Variants in TASP1 observed in about 807,000 individuals in gnomAD.
TASP1 encodes the protein taspase 1.
A neutral mutation model predicts 56.6 loss-of-function variants in TASP1; 16 were observed. The observed-to-expected ratio is 0.28, with a 90% CI of 0.19 to 0.43. The LOEUF is 0.43. Among genes scored for constraint, TASP1 ranks in the 20% least tolerant of loss-of-function variants. TASP1 has a pLI of 1.00. For missense variants in TASP1, 393 were observed against 511.6 expected, an observed-to-expected ratio of 0.77 and a Z score of 2.24; for synonymous variants, 179 against 184.2, an observed-to-expected ratio of 0.97 and a Z score of 0.23.
At chr20:13,383,681 G>C in the TASP1 span, among the ~76,000 whole-genome samples, 1 of 152,198 alleles carries the variant, frequency 6.6e-6, no homozygotes, top group Non-Finnish European at 1.5e-5. Context: ...AGCCTGCATG[G>C]AGTAAGAAGG....
chr20:13,475,248 G>A lies in TASP1; in HGVS notation c.985+7979C>T, dbSNP rs563205858. On this transcript the variant is annotated intron_variant, in intron 11 of 13. Coordinates refer to ENST00000337743, the MANE Select transcript of TASP1 (RefSeq NM_017714.3). Reference sequence around the variant, plus strand: ...ATATCTTAATGGTGGCATACTGACTGCATTCCTTTGCAAACTGCATTTTCT... The same window carrying A: ...ATATCTTAATGGTGGCATACTGACTACATTCCTTTGCAAACTGCATTTTCT... 5.0e-4 allele frequency among the ~76,000 whole-genome samples: 76 copies of A among 152,192 alleles called. 1 individual carries two copies. The highest frequency in any genetic ancestry group is 1.8e-3 in the African/African-American group (73 of 41,522).
chr20:13,512,294 C>T (rs1037865635), intron 10 of TASP1, among the ~76,000 whole-genome samples: 5 of 151,982 alleles, frequency 3.3e-5, no homozygotes, highest in Non-Finnish European at 7.4e-5. Context: ...TAATGATCAC[C>T]ATTCTAACTG....
chr20:13,495,062 A>C (rs2146594828), intron 10 of TASP1, among the ~76,000 whole-genome samples: 1 of 152,256 alleles, frequency 6.6e-6, no homozygotes, highest in East Asian at 1.9e-4. Context: ...AAAGTCCACA[A>C]ACAGAAAGAA....
At chr20:13,505,632 T>C (rs1303882188) in intron 10 of TASP1, among the ~76,000 whole-genome samples, 3 of 151,948 alleles carry the variant, frequency 2.0e-5, no homozygotes, top group African/African-American at 4.8e-5. Context: ...TGCAAATATA[T>C]GGAAATTAAA....
intron 10 of TASP1, among the ~76,000 whole-genome samples, chr20:13,493,055 C>T (rs948921989): frequency 7.9e-5 from 12 of 152,082 alleles, no homozygotes; most frequent in African/African-American, 2.7e-4. Context: ...TACGAAAAAT[C>T]CCAACTGTCT....
At chr20:13,396,660 C>T (rs914912575) in intron 13 of TASP1, among the ~76,000 whole-genome samples, 19 of 152,092 alleles carry the variant, frequency 1.2e-4, no homozygotes, top group Non-Finnish European at 1.2e-4. Flanking sequence ...ATTAAATAGG[C>T]CAGAGCAATT....
intron 11 of TASP1, among the ~76,000 whole-genome samples, chr20:13,466,534 C>T (rs2044266355): frequency 6.6e-6 from 1 of 152,134 alleles, no homozygotes; most frequent in Admixed American, 6.5e-5. Flanking sequence ...ATCACAAGGT[C>T]ACGAGTTCAA....
intron 11 of TASP1, among the ~76,000 whole-genome samples, chr20:13,477,842 G>A (rs2042997565): frequency 6.6e-6 from 1 of 152,076 alleles, no homozygotes; most frequent in African/African-American, 2.4e-5. Flanking sequence ...TCAAAGAAAT[G>A]TGCAGACTGG....
Position 13,390,369 on chromosome 20 carries a change from TG to T in TASP1, c.1253del (p.Pro418GlnfsTer2), listed in dbSNP as rs1387083684. The T allele has an allele frequency of 4.3e-6, 7 of 1,614,014 alleles. No individual in the cohort carries two copies. Among genetic ancestry groups the T allele is most frequent in the Non-Finnish European group, 5.9e-6 (7 of 1,179,918 alleles). On this transcript the variant is annotated frameshift_variant, in exon 14 of 14. Coordinates refer to ENST00000337743, the MANE Select transcript of TASP1 (RefSeq NM_017714.3). LOFTEE classifies it high-confidence loss of function. ...CACTCAGCCTGAAGGGTCAGTTCAC[TG>T]GGCTCTCCAGGCGGCACACCCCACC... ...IEGGVCRLES[P>X]VN
At chr20:13,240,044 CT>C in the TASP1 span, among the ~76,000 whole-genome samples, 27 of 152,274 alleles carry the variant, frequency 1.8e-4, no homozygotes, top group African/African-American at 6.3e-4. Flanking sequence ...CATGAATTGT[CT>C]CTTTTATTTA....
At chr20:13,318,136 A>AAAAT in the TASP1 span, among the ~76,000 whole-genome samples, 942 of 145,132 alleles carry the variant, frequency 6.5e-3, 8 homozygotes, top group Non-Finnish European at 0.011. Flanking sequence ...GACACTTGAA[A>AAAAT]AAATAAATAA....
chr20:13,117,630 G>C, the TASP1 span: 1 of 1,614,108 alleles, frequency 6.2e-7, no homozygotes, highest in Non-Finnish European at 8.5e-7. Flanking sequence ...GGGTGTCACG[G>C]AGTTCTTTGG....
the TASP1 span, among the ~76,000 whole-genome samples, chr20:13,321,158 T>C: frequency 3.4e-5 from 5 of 147,220 alleles, no homozygotes; most frequent in Non-Finnish European, 7.4e-5. Flanking sequence ...GCTGAGATCA[T>C]GCCACTACAC....
At chr20:13,321,876 T>C in the TASP1 span, among the ~76,000 whole-genome samples, 1 of 152,218 alleles carries the variant, frequency 6.6e-6, no homozygotes, top group African/African-American at 2.4e-5. Context: ...CAGGTTTGAC[T>C]CCCTAATTGG....
At chr20:13,323,953 T>C in the TASP1 span, among the ~76,000 whole-genome samples, 2 of 152,134 alleles carry the variant, frequency 1.3e-5, no homozygotes, top group African/African-American at 4.8e-5. Flanking sequence ...TCTTTCTGAG[T>C]TTCTATTTAG....
At chr20:13,359,936 C>G in the TASP1 span, among the ~76,000 whole-genome samples, 2 of 151,196 alleles carry the variant, frequency 1.3e-5, no homozygotes, top group African/African-American at 4.8e-5. Context: ...CACCCTTACC[C>G]CACTCAATGC....
intron 4 of TASP1, among the ~76,000 whole-genome samples, chr20:13,622,203 C>A (rs2048740859): frequency 6.6e-6 from 1 of 152,140 alleles, no homozygotes; most frequent in South Asian, 2.1e-4. Context: ...ATGTATTAGG[C>A]ATATACTAAC....
At chr20:13,572,085 A>T (rs1176624305) in intron 6 of TASP1, among the ~76,000 whole-genome samples, 1 of 152,164 alleles carries the variant, frequency 6.6e-6, no homozygotes, top group Non-Finnish European at 1.5e-5. Context: ...ATAATTGATA[A>T]TTTACACATT....
chr20:13,271,934 A>G, the TASP1 span, among the ~76,000 whole-genome samples: 1 of 152,034 alleles, frequency 6.6e-6, no homozygotes, highest in Non-Finnish European at 1.5e-5. Context: ...GTGTGCCCCC[A>G]CATCCAGCTC....
Sources: gnomAD v4.1 joint callset for allele counts (sites outside exome capture counted in the v4.1 genomes callset) on GRCh38, gnomAD v4.1.1 for gene constraint, MANE v1.5 for transcripts, NCBI Gene and HGNC (gene_info 2026-07-23, HGNC 2026-07-21) for gene names.